The following VPS13B variants were observed in gnomAD, a reference collection of about 807,000 sequenced individuals.
The protein encoded by VPS13B is vacuolar protein sorting 13 homolog B.
A neutral mutation model predicts 426.4 loss-of-function variants in VPS13B; 285 were observed. That is an observed-to-expected ratio of 0.67 (90% confidence interval 0.61 to 0.74). The LOEUF is 0.74. VPS13B is among the 30% of genes least tolerant of loss of function. VPS13B has a pLI of 0.00. For missense variants in VPS13B, 4,537 were observed against 4,782.6 expected, an observed-to-expected ratio of 0.95 and a Z score of 1.51; for synonymous variants, 1,676 against 1,676.4, an observed-to-expected ratio of 1.00 and a Z score of 0.01.
At chr8:99,683,770 GT>G (rs1831254623) in intron 35 of VPS13B, among the ~76,000 whole-genome samples, 1 of 152,074 alleles carries the variant, frequency 6.6e-6, no homozygotes, top group Non-Finnish European at 1.5e-5. Context: ...TTCTTATTGG[GT>G]TTTCAACATG....
chr8:99,776,212 A>G (rs908516859), intron 40 of VPS13B, among the ~76,000 whole-genome samples: 5 of 152,210 alleles, frequency 3.3e-5, no homozygotes, highest in Admixed American at 1.3e-4. Context: ...CTAATAACAG[A>G]ACAAATGGCC....
intron 33 of VPS13B, among the ~76,000 whole-genome samples, chr8:99,618,381 G>A (rs1828202828): frequency 6.6e-6 from 1 of 151,962 alleles, no homozygotes; most frequent in Non-Finnish European, 1.5e-5. Context: ...AATGACAAAG[G>A]TAATCAAGTA....
chr8:99,554,439 G>T (rs947515280), intron 30 of VPS13B, among the ~76,000 whole-genome samples: 10 of 152,216 alleles, frequency 6.6e-5, no homozygotes, highest in African/African-American at 2.4e-4. Flanking sequence ...GTCTTTTAAA[G>T]ACTATGTGCT....
At chr8:99,234,524 G>T (rs1816533165) in intron 17 of VPS13B, 2 of 490,312 alleles carry the variant, frequency 4.1e-6, no homozygotes, top group East Asian at 5.7e-5. Context: ...CGCGGGGTTG[G>T]GGTTCAGGGG....
chr8:99,255,001 T>A (rs917419530), intron 17 of VPS13B, among the ~76,000 whole-genome samples: 1 of 152,160 alleles, frequency 6.6e-6, no homozygotes, highest in African/African-American at 2.4e-5. Context: ...GAAAGGTAGA[T>A]CTTTTATCTA....
At chr8:99,054,677 A>G (rs1843737812) in intron 3 of VPS13B, among the ~76,000 whole-genome samples, 1 of 152,154 alleles carries the variant, frequency 6.6e-6, no homozygotes, top group African/African-American at 2.4e-5. Context: ...TTCTTCTAAG[A>G]GTTTTAAAGT....
rs924376567 is a variant in VPS13B, at chr8:99,582,752, T to A, written c.5220+5119T>A. On this transcript the variant is annotated intron_variant, in intron 33 of 61. Transcript: ENST00000357162. ...CTCACTGCAAGCTCCGCCTCCTGTG[T>A]TCACGCCATTCTCCTGCCTCAGCCT... Among the ~76,000 whole-genome samples, 3 of 152,280 alleles carry A rather than the reference T, an allele frequency of 2.0e-5. No individual in the cohort carries two copies. In the East Asian group the frequency reaches 5.8e-4, roughly 29 times the overall value.
intron 2 of VPS13B, among the ~76,000 whole-genome samples, chr8:99,030,849 TATTA>T (rs1171107415): frequency 2.6e-5 from 4 of 152,330 alleles, no homozygotes; most frequent in South Asian, 2.1e-4. Context: ...ATCTTAATTT[TATTA>T]ATTTAGTAGT....
chr8:99,242,356 G>A (rs1001726661), intron 17 of VPS13B, among the ~76,000 whole-genome samples: 1 of 152,110 alleles, frequency 6.6e-6, no homozygotes, highest in African/African-American at 2.4e-5. Flanking sequence ...GACTTTTACT[G>A]TATTTGAAAT....
intron 17 of VPS13B, among the ~76,000 whole-genome samples, chr8:99,269,401 A>C (rs555458819): frequency 1.3e-5 from 2 of 152,100 alleles, no homozygotes; most frequent in African/African-American, 4.8e-5. Flanking sequence ...AAATGTGGGT[A>C]TTTTCACTAT....
intron 23 of VPS13B, among the ~76,000 whole-genome samples, chr8:99,465,943 A>G (rs1449982276): frequency 1.3e-5 from 2 of 152,112 alleles, no homozygotes; most frequent in African/African-American, 2.4e-5. Context: ...TAATAATTTT[A>G]TTAACTATAT....
intron 19 of VPS13B, chr8:99,340,914 G>C: frequency 3.4e-6 from 1 of 295,870 alleles, no homozygotes; most frequent in Admixed American, 3.8e-5. Flanking sequence ...CTGTGGTGTG[G>C]ATGGATTCAA....
intron 24 of VPS13B, among the ~76,000 whole-genome samples, chr8:99,471,870 A>G (rs1819426272): frequency 6.6e-6 from 1 of 152,164 alleles, no homozygotes; most frequent in Non-Finnish European, 1.5e-5. Context: ...AAGTTCACAA[A>G]TTATTGGTGA....
chr8:99,226,105 C>T (rs921561150), intron 17 of VPS13B, among the ~76,000 whole-genome samples: 10 of 152,036 alleles, frequency 6.6e-5, no homozygotes, highest in Admixed American at 2.0e-4. Flanking sequence ...CCACCATGCC[C>T]GGCTAATTTT....
chr8:99,676,368 T>C (rs1180641018), intron 35 of VPS13B, among the ~76,000 whole-genome samples: 1 of 152,022 alleles, frequency 6.6e-6, no homozygotes. Flanking sequence ...GTCTATTTCA[T>C]AGGGGCTATG....
At chr8:99,072,897 A>AG (rs1342729654) in intron 3 of VPS13B, among the ~76,000 whole-genome samples, 1 of 152,220 alleles carries the variant, frequency 6.6e-6, no homozygotes, top group Non-Finnish European at 1.5e-5. Flanking sequence ...GTCAAAAATC[A>AG]GGTGGCTGTA....
intron 29 of VPS13B, among the ~76,000 whole-genome samples, chr8:99,514,324 A>G (rs540926519): frequency 7.2e-5 from 11 of 152,240 alleles, no homozygotes; most frequent in African/African-American, 2.4e-4. Context: ...TTCTACTTTA[A>G]TCATTTTAAG....
At chr8:99,413,725 A>C (rs888484170) in intron 21 of VPS13B, among the ~76,000 whole-genome samples, 2 of 152,116 alleles carry the variant, frequency 1.3e-5, no homozygotes, top group Non-Finnish European at 2.9e-5. Context: ...TTCAGTTTCC[A>C]TATAGCTGTG....
chr8:99,503,068 T>C, intron 27 of VPS13B, 118 bp downstream of exon 27: 1 of 704,386 alleles, frequency 1.4e-6, no homozygotes, highest in Admixed American at 2.4e-5. Flanking sequence ...CAGGCATACC[T>C]CGGACATATT....
Sources: allele counts gnomAD v4.1 joint callset (sites outside exome capture counted in the v4.1 genomes callset), GRCh38; gene constraint gnomAD v4.1.1; transcripts MANE v1.5; gene names NCBI Gene and HGNC (gene_info 2026-07-23, HGNC 2026-07-21).